Variants in KRT13 observed in about 807,000 individuals in gnomAD.
KRT13 encodes keratin, type I cytoskeletal 13.
A neutral mutation model predicts 40.6 loss-of-function variants in KRT13; 27 were observed. The ratio of observed to expected loss-of-function variants is 0.67; its 90% confidence interval spans 0.49 to 0.92. The LOEUF (loss-of-function observed/expected upper bound fraction) is 0.92. KRT13 is among the 40% of genes least tolerant of loss of function. KRT13 has a pLI of 0.00. For missense variants in KRT13, 605 were observed against 611.5 expected, an observed-to-expected ratio of 0.99 and a Z score of 0.11; for synonymous variants, 266 against 240.3, an observed-to-expected ratio of 1.11 and a Z score of -0.99.
At chr17:41,503,994 T>TG (rs1229481878) in intron 1 of KRT13, 5 of 458,858 alleles carry the variant, frequency 1.1e-5, no homozygotes, top group Non-Finnish European at 1.6e-5. Context: ...AAGCTTGCTC[T>TG]GGGGGGTCCA....
In KRT13 at chr17:41,501,707, C is replaced by A. The variant is rs754220281; in HGVS notation, c.1270+12G>T. The A allele has an allele frequency of 5.1e-6, 8 of 1,580,906 alleles. No homozygotes were observed. The Admixed American group carries it at 1.3e-4, about 25-fold the overall frequency. On this transcript the variant is annotated intron_variant, in intron 7 of 7. Transcript: ENST00000246635. ...CTCTGCCTCCCCCTACACCACGGGG[C>A]TGTTCCCTTACCTGCTGAGGAAGGG...
intron 6 of KRT13, chr17:41,502,054 C>A: frequency 4.9e-6 from 7 of 1,415,040 alleles, no homozygotes; most frequent in Non-Finnish European, 6.4e-6. Context: ...ACAGGGGTGG[C>A]TTGATTTCTG....
Position 41,501,705 on chromosome 17 carries a change from G to A in KRT13, c.1270+14C>T, listed in dbSNP as rs1904858503. ...AACTCTGCCTCCCCCTACACCACGG[G>A]GCTGTTCCCTTACCTGCTGAGGAAG... is the stretch of plus-strand genomic sequence containing the variant. On this transcript the variant is annotated intron_variant, in intron 7 of 7. Coordinates refer to ENST00000246635, the MANE Select transcript of KRT13 (RefSeq NM_153490.3). 5 of 1,579,844 alleles carry A rather than the reference G, an allele frequency of 3.2e-6. No homozygotes were observed. The highest frequency in any genetic ancestry group is 4.3e-6 in the Non-Finnish European group (5 of 1,162,044).
At chr17:41,501,815 G>T (rs909757139) in intron 6 of KRT13, 71 bp from the exon 7 acceptor site, 3 of 1,557,892 alleles carry the variant, frequency 1.9e-6, no homozygotes, top group Non-Finnish European at 2.6e-6. Flanking sequence ...TTCCTCTGGG[G>T]AAGTGCCTCG....
In KRT13 at chr17:41,502,356, A is replaced by T. The variant is rs1325750373; in HGVS notation, c.1244+18T>A. ...TCCTGCAGTCACTATCCTAAGAAAG[A>T]GGCTGGAGAGGACCTACTTGGCGTC... On this transcript the variant is annotated intron_variant, in intron 6 of 7. Transcript: ENST00000246635. The T allele has an allele frequency of 1.2e-6, 2 of 1,613,846 alleles. No homozygotes were observed. The highest frequency in any genetic ancestry group is 2.7e-5 in the African/African-American group (2 of 74,942).
At position 41,503,458 on chromosome 17, in the gene KRT13, A is replaced by C. The variant is rs527414871; in HGVS notation, c.579-15T>G. On this transcript the variant is annotated splice_polypyrimidine_tract_variant and intron_variant, in intron 2 of 7. Transcript: ENST00000246635. ...CATTCTCATACCTAAAATAGTAAAA[A>C]AATGAAATGTTTTTTGAAAAAGCAA... is the stretch of plus-strand genomic sequence containing the variant. The C allele has an allele frequency of 1.2e-5, 20 of 1,613,862 alleles. No individual in the cohort carries two copies. Among genetic ancestry groups the C allele is most frequent in the Non-Finnish European group, 1.6e-5 (19 of 1,179,994 alleles).
intron 1 of KRT13, 151 bp from the exon 2 acceptor site, chr17:41,503,876 A>C: frequency 1.4e-6 from 1 of 722,306 alleles, no homozygotes; most frequent in Non-Finnish European, 2.5e-6. Context: ...ATTGGCAAAA[A>C]TAAAAAATAA....
rs1904903556 is a variant in KRT13 at position 41,502,762 on chromosome 17, G to A, written c.948C>T (p.Thr316=). 2.5e-6 allele frequency: 4 copies of A among 1,614,220 alleles called. No homozygotes were observed. The highest frequency in any genetic ancestry group is 3.4e-6 in the Non-Finnish European group (4 of 1,180,046). Residue 316 remains threonine, a synonymous_variant, in exon 5 of 8, where the codon ACC becomes ACT. Transcript: ENST00000246635. ...EVSTNTAMIQ[T]SKTEITELRR... Reference sequence around the variant, plus strand: ...TGAGCTCCGTGATCTCTGTCTTGCTGGTCTGAATCATGGCAGTGTTGGTAG... The same window carrying A: ...TGAGCTCCGTGATCTCTGTCTTGCTAGTCTGAATCATGGCAGTGTTGGTAG...
chr17:41,501,741 C>A lies in KRT13; in HGVS notation c.1248G>T (p.Met416Ile), dbSNP rs1449539001. ...RSLLEGQDAKMIGFPSSAGSV... is the reference protein window; with the variant it reads ...RSLLEGQDAKIIGFPSSAGSV... ...TACCTGCTGAGGAAGGGAAACCAAT[C>A]ATCCTGGGAGAGAGGACAGAGGTGG... Residue 416 changes from methionine to isoleucine, a missense_variant, in exon 7 of 8, where the codon ATG becomes ATT. Physicochemically the swap from Met to Ile is conservative, Grantham distance 10. Coordinates refer to ENST00000246635, the MANE Select transcript of KRT13 (RefSeq NM_153490.3). The A allele has an allele frequency of 1.9e-6, 3 of 1,594,652 alleles. No homozygotes were observed. Among genetic ancestry groups the A allele is most frequent in the Non-Finnish European group, 2.6e-6 (3 of 1,169,998 alleles).
rs1163095110 is a variant in KRT13, at chr17:41,500,997, C to T, written c.*259G>A. On this transcript the variant is annotated 3_prime_UTR_variant, in exon 8 of 8. Transcript: ENST00000246635. ...AATCAAAAATATGTTTGCAGAAAGG[C>T]AGGAAACTTTATTGAATAATCTTTT... The T allele has an allele frequency of 2.6e-6, 1 of 379,454 alleles. No individual in the cohort carries two copies. The highest frequency in any genetic ancestry group is 5.1e-6 in the Non-Finnish European group (1 of 196,622). 23.5% of individuals were successfully genotyped at this position (379,454 alleles called of 1,614,324 possible). A position where few individuals can be genotyped will look rare whatever the true frequency, so the allele number is the denominator to read the frequency against.
intron 7 of KRT13, 117 bp from the exon 8 acceptor site, chr17:41,501,479 C>T (rs1166862858): frequency 1.0e-5 from 11 of 1,068,918 alleles, no homozygotes; most frequent in Non-Finnish European, 1.6e-5. Flanking sequence ...TGGATGGAGA[C>T]TCTTTATTGT....
At chr17:41,503,759 ATGGGTGTCCAGTCTGT>A in intron 1 of KRT13, 34 bp from the exon 2 acceptor site, 1 of 1,562,150 alleles carries the variant, frequency 6.4e-7, no homozygotes, top group Non-Finnish European at 8.8e-7. Context: ...CCTCTAGGGC[ATGGGTGTCCAGTCTGT>A]TGGCTTCCCT....
chr17:41,504,940 C>G, intron 1 of KRT13, 116 bp downstream of exon 1: 5 of 1,235,440 alleles, frequency 4.0e-6, no homozygotes, highest in Non-Finnish European at 5.7e-6. Flanking sequence ...GTAGGCTTTT[C>G]CCCTGCAAGA....
chr17:41,501,747 G>A lies in KRT13; in HGVS notation c.1245-3C>T, dbSNP rs1335435928. ...CTGAGGAAGGGAAACCAATCATCCT[G>A]GGAGAGAGGACAGAGGTGGCCATGA... On this transcript the variant is annotated splice_region_variant and splice_polypyrimidine_tract_variant and intron_variant, in intron 6 of 7. Transcript: ENST00000246635. The A allele has an allele frequency of 1.4e-5, 23 of 1,595,040 alleles. No individual in the cohort carries two copies. In the East Asian group the frequency reaches 4.7e-4, roughly 33 times the overall value.
In KRT13 at chr17:41,503,390, A is replaced by G. The variant is rs763785395; in HGVS notation, c.632T>C (p.Leu211Pro). Residue 211 changes from leucine to proline, a missense_variant, in exon 3 of 8, where the codon CTG (leucine) becomes CCG (proline). Coordinates refer to ENST00000246635, the MANE Select transcript of KRT13 (RefSeq NM_153490.3). ...AGTGAGCTCATCCAGCACCCGGCGCAGGCCGTTGATGTCGGCCTCCACGCT... is the reference window on the plus strand; with the variant it reads ...AGTGAGCTCATCCAGCACCCGGCGCGGGCCGTTGATGTCGGCCTCCACGCT... ...RQSVEADING[L>P]RRVLDELTLS... 45 of 1,614,158 alleles carry G rather than the reference A, an allele frequency of 2.8e-5. No individual in the cohort carries two copies. Among genetic ancestry groups the G allele is most frequent in the Non-Finnish European group, 7.6e-6 (9 of 1,180,054 alleles).
Position 41,501,303 on chromosome 17 carries a change from T to TG in KRT13, c.1329dup (p.Thr444HisfsTer3), listed in dbSNP as rs1251945136. On this transcript the variant is annotated frameshift_variant, in exon 8 of 8. Coordinates refer to ENST00000246635, the MANE Select transcript of KRT13 (RefSeq NM_153490.3). LOFTEE classifies it low-confidence loss of function (END_TRUNC). ...GTGCGGCGACCAGAGGCATTAGAGGTGGTGGTAACAGAGGCACTAGAAGTC... is the reference window on the plus strand; with the variant it reads ...GTGCGGCGACCAGAGGCATTAGAGGTGGGTGGTAACAGAGGCACTAGAAGTC... 3.2e-6 allele frequency: 5 copies of TG among 1,576,344 alleles called. No individual in the cohort carries two copies. Among genetic ancestry groups the TG allele is most frequent in the Non-Finnish European group, 3.4e-6 (4 of 1,161,140 alleles).
At position 41,505,137 on chromosome 17, in the gene KRT13, G is replaced by C. The variant is rs1224223882; in HGVS notation, c.414C>G (p.Asp138Glu). 6.2e-7 allele frequency: 1 copy of C among 1,614,236 alleles called. No individual in the cohort carries two copies. Residue 138 changes from aspartate (D) to glutamate (E), a missense_variant, in exon 1 of 8, where the codon GAC (aspartate) becomes GAG (glutamate). Physicochemically the swap from Asp to Glu is conservative, Grantham distance 45. Transcript: ENST00000246635. ...TAGCTGGGCTCTGCTTCAGGTGCCA[G>C]TCACGGATCTTCACCTCCAGGTCAG... Reference protein sequence around the residue: ...ANADLEVKIRDWHLKQSPASP... With the variant: ...ANADLEVKIREWHLKQSPASP...
chr17:41,505,544 G>A lies in KRT13; in HGVS notation c.7C>T (p.Leu3Phe). 1.2e-6 allele frequency: 2 copies of A among 1,614,238 alleles called. No homozygotes were observed. The highest frequency in any genetic ancestry group is 1.7e-6 in the Non-Finnish European group (2 of 1,180,046). Residue 3 changes from leucine to phenylalanine, a missense_variant, in exon 1 of 8, where the codon CTC becomes TTC. Leu to Phe is a conservative substitution (Grantham distance 22). Transcript: ENST00000246635. Reference protein sequence around the residue: MSLRLQSSSASYG... With the variant: MSFRLQSSSASYG... ...CTGGCAGAGGAGCTCTGCAGGCGGAGGCTCATGGTGAGAGCAGGATTGAGA... is the reference window on the plus strand; with the variant it reads ...CTGGCAGAGGAGCTCTGCAGGCGGAAGCTCATGGTGAGAGCAGGATTGAGA...
rs1251939333 is a variant in KRT13, at chr17:41,503,646, A to G, written c.575T>C (p.Leu192Pro). Residue 192 changes from leucine (L) to proline (P), a missense_variant, in exon 2 of 8, where the codon CTC becomes CCC. Physicochemically the swap from Leu to Pro is moderately conservative, Grantham distance 98. Coordinates refer to ENST00000246635, the MANE Select transcript of KRT13 (RefSeq NM_153490.3). ...NARLAADDFR[L>P]KYENELALRQ... The stretch of plus-strand genomic sequence containing the variant: ...GAGGGGGAAAAAAAAAACTCACTTG[A>G]GCCTGAAGTCGTCCGCAGCCAGCCT... 1.2e-6 allele frequency: 2 copies of G among 1,613,448 alleles called. No homozygotes were observed. Among genetic ancestry groups the G allele is most frequent in the South Asian group, 2.2e-5 (2 of 90,972 alleles).
Sources: gnomAD v4.1 joint callset for allele counts on GRCh38, gnomAD v4.1.1 for gene constraint, MANE v1.5 for transcripts, NCBI Gene and HGNC (gene_info 2026-07-23, HGNC 2026-07-21) for gene names.